EPHB2: variants seen among roughly 807,000 people sequenced by gnomAD.
The protein encoded by EPHB2 is ephrin type-B receptor 2.
A neutral mutation model predicts 96.4 loss-of-function variants in EPHB2; 18 were observed. The ratio of observed to expected loss-of-function variants is 0.19; its 90% CI spans 0.13 to 0.28. The LOEUF is 0.28. EPHB2 is among the 10% of genes least tolerant of loss of function. The probability of loss-of-function intolerance (pLI) is 1.00; values close to 1 mark genes in which losing one functional copy is unlikely to be tolerated. For missense variants in EPHB2, 989 were observed against 1,355.4 expected, an observed-to-expected ratio of 0.73 and a Z score of 4.25; for synonymous variants, 506 against 534.1, an observed-to-expected ratio of 0.95 and a Z score of 0.72.
intron 3 of EPHB2, among the ~76,000 whole-genome samples, chr1:22,842,203 C>T (rs889268512): frequency 2.6e-5 from 4 of 152,010 alleles, no homozygotes; most frequent in African/African-American, 9.7e-5. Context: ...AGGCACCTGT[C>T]CCAGAAGTCT....
At chr1:22,755,539 A>G (rs142044958) in intron 1 of EPHB2, among the ~76,000 whole-genome samples, 28 of 152,232 alleles carry the variant, frequency 1.8e-4, no homozygotes, top group Non-Finnish European at 3.2e-4. Flanking sequence ...TCTTGATAGT[A>G]GACAAATGGT....
chr1:22,861,910 G>T (rs962427900), intron 3 of EPHB2, among the ~76,000 whole-genome samples: 1 of 152,216 alleles, frequency 6.6e-6, no homozygotes, highest in Non-Finnish European at 1.5e-5. Flanking sequence ...TCCCGGTGAG[G>T]GCCTGGGGGC....
At position 22,784,881 on chromosome 1, in the gene EPHB2, A is replaced by G; in HGVS notation, c.616A>G (p.Ile206Val). The G allele has an allele frequency of 6.2e-7, 1 of 1,613,678 alleles. No individual in the cohort carries two copies. Among genetic ancestry groups the G allele is most frequent in the Non-Finnish European group, 8.5e-7 (1 of 1,179,874 alleles). Residue 206 changes from isoleucine to valine, a missense_variant, in exon 3 of 16, where the codon ATC (isoleucine) becomes GTC (valine). Transcript: ENST00000374630. This position sits in a 1 kb window ranked among gnomAD's most constrained non-coding sequence, Gnocchi z 5.1. ...KCPRIIQNGA[I>V]FQETLSGAES... ...CCCCCGCATCATCCAGAATGGCGCC[A>G]TCTTCCAGGAAACCCTGTCGGGGGC... is the stretch of plus-strand genomic sequence containing the variant.
chr1:22,862,469 C>T (rs1455795478), intron 3 of EPHB2, among the ~76,000 whole-genome samples: 1 of 152,186 alleles, frequency 6.6e-6, no homozygotes, highest in African/African-American at 2.4e-5. Flanking sequence ...AAAACTGAGT[C>T]TGAGTAGTTA....
chr1:22,752,536 AAATAAAATAAAAT>A (rs1024969211), intron 1 of EPHB2, among the ~76,000 whole-genome samples: 1 of 149,726 alleles, frequency 6.7e-6, no homozygotes, highest in Non-Finnish European at 1.5e-5. Context: ...AATAATACAA[AAATAAAATAAAAT>A]AATAAAATAA....
intron 1 of EPHB2, among the ~76,000 whole-genome samples, chr1:22,758,470 G>A (rs374455324): frequency 7.9e-5 from 12 of 152,158 alleles, no homozygotes; most frequent in Non-Finnish European, 1.5e-4. Context: ...ATCCTGGTCT[G>A]GGTATCCAGT....
chr1:22,781,538 TGC>T, intron 2 of EPHB2, 53 bp downstream of exon 2: 1 of 1,582,130 alleles, frequency 6.3e-7, no homozygotes, highest in Non-Finnish European at 8.7e-7. Context: ...CCTCAAGCCC[TGC>T]TGCAGGGCCC....
intron 3 of EPHB2, among the ~76,000 whole-genome samples, chr1:22,787,624 A>T (rs1644631342): frequency 6.6e-6 from 1 of 152,086 alleles, no homozygotes; most frequent in Non-Finnish European, 1.5e-5. Context: ...AGGTGTGGTG[A>T]TGTGCATCTG....
At chr1:22,839,895 A>G (rs1645440863) in intron 3 of EPHB2, among the ~76,000 whole-genome samples, 1 of 151,978 alleles carries the variant, frequency 6.6e-6, no homozygotes, top group Admixed American at 6.6e-5. Flanking sequence ...CGTACCCTAC[A>G]CTCCTTCACT....
In EPHB2 at chr1:22,910,495, G is replaced by C; in HGVS notation, c.2616G>C (p.Lys872Asn). ...CWQKDRNHRPKFGQIVNTLDK... is the reference protein window; with the variant it reads ...CWQKDRNHRPNFGQIVNTLDK... ...AGAAGGACCGCAACCACCGGCCCAAGTTCGGCCAAATTGTCAACACGCTAG... is the reference window on the plus strand; with the variant it reads ...AGAAGGACCGCAACCACCGGCCCAACTTCGGCCAAATTGTCAACACGCTAG... Residue 872 changes from lysine to asparagine, a missense_variant, in exon 14 of 16, where the codon AAG becomes AAC. Coordinates refer to ENST00000374630, the MANE Select transcript of EPHB2 (RefSeq NM_017449.5). The C allele has an allele frequency of 1.9e-6, 3 of 1,613,002 alleles. No homozygotes were observed. The highest frequency in any genetic ancestry group is 2.5e-6 in the Non-Finnish European group (3 of 1,180,012).
At chr1:22,896,391 G>A in intron 8 of EPHB2, 23 bp from the exon 9 acceptor site, 1 of 1,614,080 alleles carries the variant, frequency 6.2e-7, no homozygotes, top group South Asian at 1.1e-5. Context: ...GGTGGCTCCA[G>A]CCCTTTGCTC....
At chr1:22,882,533 C>A (rs768526621) in intron 6 of EPHB2, 50 bp downstream of exon 6, 4 of 1,609,468 alleles carry the variant, frequency 2.5e-6, no homozygotes, top group African/African-American at 2.7e-5. Flanking sequence ...CTGAGGGCCC[C>A]TCTCCCAGGC....
At chr1:22,818,195 G>T (rs1645101073) in intron 3 of EPHB2, among the ~76,000 whole-genome samples, 1 of 152,062 alleles carries the variant, frequency 6.6e-6, no homozygotes, top group Non-Finnish European at 1.5e-5. Context: ...CGATCCATCT[G>T]TCTCAAGCTC....
chr1:22,866,792 G>A (rs548627629), intron 5 of EPHB2, among the ~76,000 whole-genome samples: 2 of 152,102 alleles, frequency 1.3e-5, no homozygotes, highest in Admixed American at 6.5e-5. Context: ...AAATTAGCCA[G>A]GTATGGTCGC....
intron 1 of EPHB2, among the ~76,000 whole-genome samples, chr1:22,778,031 T>C (rs1187842496): frequency 6.6e-6 from 1 of 152,144 alleles, no homozygotes; most frequent in East Asian, 1.9e-4. Context: ...TGTTTTGTTT[T>C]GTTTTGTCTT....
intron 3 of EPHB2, among the ~76,000 whole-genome samples, chr1:22,788,632 G>T (rs1644645509): frequency 6.6e-6 from 1 of 152,144 alleles, no homozygotes; most frequent in South Asian, 2.1e-4. Flanking sequence ...TGGTTAGTTG[G>T]TTAAAGTGCA....
At position 22,913,778 on chromosome 1, in the gene EPHB2, A is replaced by T. The variant is rs1640190954; in HGVS notation, c.*208A>T. On this transcript the variant is annotated 3_prime_UTR_variant, in exon 16 of 16. Transcript: ENST00000374630. This position sits in a 1 kb window ranked among gnomAD's most constrained non-coding sequence, Gnocchi z 4.1. ...AAAAAAAAAGGGAATGGGAAAAAAG[A>T]AAACAGATCCTGGGAGGGGGCGGGA... 2 of 1,608,618 alleles carry T rather than the reference A, an allele frequency of 1.2e-6. No individual in the cohort carries two copies. Among genetic ancestry groups the T allele is most frequent in the African/African-American group, 2.7e-5 (2 of 74,956 alleles).
chr1:22,740,821 G>A lies in EPHB2; in HGVS notation c.61+29778G>A, dbSNP rs527249037. ...CCGGCCCCTCCCTGCTTCCTGATGT[G>A]GGTGGCCTTGTACTCATTTCTTCAG... On this transcript the variant is annotated intron_variant, in intron 1 of 15. Transcript: ENST00000374630. Among the ~76,000 whole-genome samples the A allele has an allele frequency of 3.3e-5, 5 of 151,766 alleles. 1 individual carries two copies. The highest frequency in any genetic ancestry group is 1.3e-4 in the Admixed American group (2 of 15,248).
chr1:22,769,498 C>G (rs1246876992), intron 1 of EPHB2, among the ~76,000 whole-genome samples: 2 of 152,180 alleles, frequency 1.3e-5, no homozygotes, highest in Non-Finnish European at 2.9e-5. Context: ...CCTCTGCCTC[C>G]TGGGTTCAAG....
Sources: gnomAD v4.1 joint callset for allele counts (sites outside exome capture counted in the v4.1 genomes callset) on GRCh38, gnomAD v4.1.1 for gene constraint, Gnocchi (gnomAD v3.1) non-coding constraint, MANE v1.5 for transcripts, NCBI Gene and HGNC (gene_info 2026-07-23, HGNC 2026-07-21) for gene names.